The following FGF2 variants were observed in gnomAD, a reference collection of about 807,000 sequenced individuals.
The protein encoded by FGF2 is basic fibroblast growth factor bFGF.
In FGF2, 13 loss-of-function variants were observed where a neutral mutation model predicts 15.9. That is an observed-to-expected ratio of 0.82 (90% CI 0.53 to 1.30). FGF2 has a LOEUF of 1.30. FGF2 is among the 50% of genes most tolerant of loss of function. FGF2 has a pLI of 0.00. For missense variants in FGF2, 163 were observed against 196.9 expected (o/e 0.83, Z 1.03); for synonymous variants, 90 against 78.4 (o/e 1.15, Z -0.78).
rs1376111478 is a variant in FGF2, at chr4:122,892,405, G to C, written c.*9G>C. ...TGTCTGCTAAGAGCTGATTTTAATG[G>C]CCACATCTAATCTCATTTCACATGA... On this transcript the variant is annotated 3_prime_UTR_variant, in exon 3 of 3. Coordinates refer to ENST00000644866, the MANE Select transcript of FGF2 (RefSeq NM_001361665.2). The C allele has an allele frequency of 2.5e-6, 4 of 1,613,152 alleles. No individual in the cohort carries two copies. Among genetic ancestry groups the C allele is most frequent in the Non-Finnish European group, 3.4e-6 (4 of 1,179,176 alleles).
intron 1 of FGF2, among the ~76,000 whole-genome samples, chr4:122,831,682 T>G (rs1725769154): frequency 6.6e-6 from 1 of 152,176 alleles, no homozygotes; most frequent in Non-Finnish European, 1.5e-5. Flanking sequence ...TTAGGAGCCT[T>G]TTAAGATGAG....
intron 1 of FGF2, among the ~76,000 whole-genome samples, chr4:122,833,141 A>AC (rs1180149494): frequency 5.3e-5 from 8 of 152,046 alleles, no homozygotes; most frequent in African/African-American, 1.9e-4. Context: ...TGACCGGTGT[A>AC]TCTTTGATAC....
intron 2 of FGF2, among the ~76,000 whole-genome samples, chr4:122,886,124 T>C (rs12504045): frequency 0.16 from 24,279 of 151,802 alleles, 2,460 homozygotes; most frequent in East Asian, 0.45. Flanking sequence ...TCTCACTATA[T>C]TGCCCAAATT....
rs912104235 is a variant in FGF2 at position 122,858,802 on chromosome 4, GA to G, written c.179-17510del. Reference sequence around the variant, plus strand: ...TTGGATTGGATGATGGCTGATGGAAGAAAAAAAAACAGTGGTTATACCTTGG... The same window carrying G: ...TTGGATTGGATGATGGCTGATGGAAGAAAAAAAACAGTGGTTATACCTTGG... On this transcript the variant is annotated intron_variant, in intron 1 of 2. Coordinates refer to ENST00000644866, the MANE Select transcript of FGF2 (RefSeq NM_001361665.2). 3.3e-5 allele frequency among the ~76,000 whole-genome samples: 5 copies of G among 149,962 alleles called. No individual in the cohort carries two copies. The East Asian group carries it at 5.9e-4, about 18-fold the overall frequency.
At chr4:122,851,925 T>C (rs1237900138) in intron 1 of FGF2, among the ~76,000 whole-genome samples, 1 of 152,250 alleles carries the variant, frequency 6.6e-6, no homozygotes, top group Non-Finnish European at 1.5e-5. Context: ...TATATAGGGA[T>C]ACTAGCTGAT....
intron 2 of FGF2, among the ~76,000 whole-genome samples, chr4:122,880,530 G>A (rs1322650439): frequency 2.0e-5 from 3 of 152,116 alleles, no homozygotes; most frequent in African/African-American, 4.8e-5. Flanking sequence ...TTACAGGCGT[G>A]AGCCACTGCA....
chr4:122,831,759 A>C (rs1725770180), intron 1 of FGF2, among the ~76,000 whole-genome samples: 1 of 152,170 alleles, frequency 6.6e-6, no homozygotes, highest in African/African-American at 2.4e-5. Context: ...GAGGGGTTTC[A>C]TTTGTTTATA....
intron 2 of FGF2, among the ~76,000 whole-genome samples, chr4:122,890,580 T>G (rs1436457305): frequency 6.6e-6 from 1 of 152,236 alleles, no homozygotes; most frequent in African/African-American, 2.4e-5. Flanking sequence ...CACTTTTAGT[T>G]CTTTCCCAGG....
At chr4:122,892,174 GATAATA>G in intron 2 of FGF2, 31 bp from the exon 3 acceptor site, 1 of 1,468,816 alleles carries the variant, frequency 6.8e-7, no homozygotes, top group African/African-American at 1.4e-5. Flanking sequence ...TAATAATAAT[GATAATA>G]ATAACAGGTA....
Position 122,826,889 on chromosome 4 carries a change from G to T in FGF2, c.-286G>T. ...ACGGGATCCCGGGCGCTGCAGCTTG[G>T]GAGGCGGCTCTCCCCAGGCGGCGTC... On this transcript the variant is annotated 5_prime_UTR_variant, in exon 1 of 3. Coordinates refer to ENST00000644866, the MANE Select transcript of FGF2 (RefSeq NM_001361665.2). 1 of 1,525,338 alleles carries T rather than the reference G, an allele frequency of 6.6e-7. No individual in the cohort carries two copies. 94.5% of individuals were successfully genotyped at this position (1,525,338 alleles called of 1,614,324 possible).
At chr4:122,881,060 G>A (rs183730795) in intron 2 of FGF2, among the ~76,000 whole-genome samples, 181 of 152,290 alleles carry the variant, frequency 1.2e-3, no homozygotes, top group African/African-American at 4.3e-3. Flanking sequence ...GCAACAGCCT[G>A]AGCTGTACCT....
chr4:122,885,708 T>A (rs1464018838), intron 2 of FGF2, among the ~76,000 whole-genome samples: 1 of 152,114 alleles, frequency 6.6e-6, no homozygotes, highest in Non-Finnish European at 1.5e-5. Flanking sequence ...TTAGCTAAAG[T>A]CCATACTTTA....
chr4:122,844,622 TCTTCCTTTCTTC>T (rs1726071027), intron 1 of FGF2, among the ~76,000 whole-genome samples: 1 of 115,740 alleles, frequency 8.6e-6, no homozygotes, highest in African/African-American at 4.9e-5. Flanking sequence ...TTCCTTTCTT[TCTTCCTTTCTTC>T]CTTTCTTTCT....
chr4:122,861,017 T>A (rs1726452344), intron 1 of FGF2, among the ~76,000 whole-genome samples: 1 of 152,136 alleles, frequency 6.6e-6, no homozygotes, highest in African/African-American at 2.4e-5. Flanking sequence ...TAGGTGTGCA[T>A]ATACGTATCT....
At chr4:122,834,690 C>T (rs993085810) in intron 1 of FGF2, among the ~76,000 whole-genome samples, 1 of 152,226 alleles carries the variant, frequency 6.6e-6, no homozygotes, top group African/African-American at 2.4e-5. Flanking sequence ...CCACTCCCCT[C>T]CTCTTGCCTT....
At chr4:122,834,175 C>G (rs780968169) in intron 1 of FGF2, among the ~76,000 whole-genome samples, 2 of 152,188 alleles carry the variant, frequency 1.3e-5, no homozygotes, top group Non-Finnish European at 2.9e-5. Flanking sequence ...GTTACCACCC[C>G]GAACAGGAGA....
chr4:122,831,291 A>C (rs1385933672), intron 1 of FGF2, among the ~76,000 whole-genome samples: 1 of 151,694 alleles, frequency 6.6e-6, no homozygotes, highest in African/African-American at 2.4e-5. Flanking sequence ...GCTGGACCCC[A>C]CTTTGGTTAG....
Position 122,826,892 on chromosome 4 carries a change from G to A in FGF2, c.-283G>A, listed in dbSNP as rs2150757845. ...GGATCCCGGGCGCTGCAGCTTGGGAGGCGGCTCTCCCCAGGCGGCGTCCGC... is the reference window on the plus strand; with the variant it reads ...GGATCCCGGGCGCTGCAGCTTGGGAAGCGGCTCTCCCCAGGCGGCGTCCGC... On this transcript the variant is annotated 5_prime_UTR_variant, in exon 1 of 3. Coordinates refer to ENST00000644866, the MANE Select transcript of FGF2 (RefSeq NM_001361665.2). 6 of 1,524,386 alleles carry A rather than the reference G, an allele frequency of 3.9e-6. No individual in the cohort carries two copies. The highest frequency in any genetic ancestry group is 5.3e-6 in the Non-Finnish European group (6 of 1,139,468). The allele number at this position is 1,524,386 out of a possible 1,614,324, so 94.4% of individuals were successfully genotyped here.
intron 2 of FGF2, among the ~76,000 whole-genome samples, chr4:122,878,411 A>G (rs1335751895): frequency 6.6e-6 from 1 of 152,198 alleles, no homozygotes; most frequent in African/African-American, 2.4e-5. Context: ...GTGTGGATAA[A>G]AAATCTACTT....
Sources: gnomAD v4.1 joint callset for allele counts (sites outside exome capture counted in the v4.1 genomes callset) on GRCh38, gnomAD v4.1.1 for gene constraint, MANE v1.5 for transcripts, NCBI Gene and HGNC (gene_info 2026-07-23, HGNC 2026-07-21) for gene names.